Variants in EPHA6 observed in about 807,000 individuals in gnomAD.
EPHA6 encodes the protein EPH receptor A6, also known as ephrin type-A receptor 6.
A neutral mutation model predicts 112.0 loss-of-function variants in EPHA6; 50 were observed. That is an observed-to-expected ratio of 0.45 (90% CI 0.36 to 0.56). The LOEUF (loss-of-function observed/expected upper bound fraction) is 0.56, where lower values mean the gene tolerates loss of function less well. Among genes scored for constraint, EPHA6 ranks in the 20% least tolerant of loss-of-function variants. The pLI, the probability that EPHA6 is intolerant of heterozygous loss-of-function variation, is 0.00. For synonymous variants in EPHA6, 529 were observed against 490.7 expected, an observed-to-expected ratio of 1.08 and a Z score of -1.03; for missense variants, 1,280 against 1,417.4, an observed-to-expected ratio of 0.90 and a Z score of 1.56.
chr3:97,515,885 G>GT (rs2092440402), intron 10 of EPHA6, among the ~76,000 whole-genome samples: 1 of 151,048 alleles, frequency 6.6e-6, no homozygotes, highest in African/African-American at 2.4e-5. Context: ...AAAAAATGAT[G>GT]TTTTTTTCTT....
intron 11 of EPHA6, among the ~76,000 whole-genome samples, chr3:97,573,227 A>G (rs1469521107): frequency 6.6e-6 from 1 of 152,184 alleles, no homozygotes; most frequent in Non-Finnish European, 1.5e-5. Flanking sequence ...GGTGTTAATG[A>G]GTTTCTCAAT....
At chr3:96,971,769 GA>G (rs1406141279) in intron 2 of EPHA6, among the ~76,000 whole-genome samples, 3 of 152,080 alleles carry the variant, frequency 2.0e-5, no homozygotes, top group African/African-American at 4.8e-5. Flanking sequence ...GTAAGATGAA[GA>G]ATGTTTGGAA....
At chr3:97,479,434 T>C in intron 9 of EPHA6, 70 bp downstream of exon 9, 1 of 1,053,018 alleles carries the variant, frequency 9.5e-7, no homozygotes, top group East Asian at 2.6e-5. Context: ...ATTCAAACTG[T>C]ATCTATTGAG....
chr3:97,163,275 A>G (rs2076459096), intron 3 of EPHA6, among the ~76,000 whole-genome samples: 1 of 152,122 alleles, frequency 6.6e-6, no homozygotes, highest in Non-Finnish European at 1.5e-5. Context: ...GGCATTTCCA[A>G]CTCACTCATG....
chr3:97,192,733 CT>C (rs1280062535), intron 3 of EPHA6, among the ~76,000 whole-genome samples: 1 of 152,088 alleles, frequency 6.6e-6, no homozygotes, highest in African/African-American at 2.4e-5. Flanking sequence ...CCAGTGTTTT[CT>C]TTTAGTAGCT....
chr3:97,432,762 A>AGG (rs1373866616), intron 6 of EPHA6, among the ~76,000 whole-genome samples: 2 of 152,134 alleles, frequency 1.3e-5, no homozygotes, highest in African/African-American at 4.8e-5. Context: ...GGGAAGAGAG[A>AGG]GAAGAGCCAG....
intron 14 of EPHA6, among the ~76,000 whole-genome samples, chr3:97,697,597 G>T (rs1175500597): frequency 1.3e-5 from 2 of 152,230 alleles, no homozygotes; most frequent in Non-Finnish European, 2.9e-5. Flanking sequence ...TGCAATTTCA[G>T]TAGGGCAGCC....
chr3:97,614,394 G>T (rs1393657826), intron 13 of EPHA6, among the ~76,000 whole-genome samples: 4 of 149,058 alleles, frequency 2.7e-5, no homozygotes, highest in Admixed American at 6.7e-5. Context: ...GAGTGTAGTG[G>T]CACGATCTTG....
chr3:97,065,684 A>G lies in EPHA6; in HGVS notation c.1114+77691A>G, dbSNP rs984054965. On this transcript the variant is annotated intron_variant, in intron 3 of 17. Transcript: ENST00000389672. Reference sequence around the variant, plus strand: ...AATATTTTCCAAGATCAAACTTCCCAAAGTGTAGTATTGATAATTTTGTTG... The same window carrying G: ...AATATTTTCCAAGATCAAACTTCCCGAAGTGTAGTATTGATAATTTTGTTG... Among the ~76,000 whole-genome samples the G allele has an allele frequency of 3.9e-5, 6 of 152,250 alleles. No homozygotes were observed. In the East Asian group the frequency reaches 9.7e-4, roughly 24 times the overall value.
At chr3:97,675,425 AG>A (rs1274715338) in intron 14 of EPHA6, among the ~76,000 whole-genome samples, 1 of 152,184 alleles carries the variant, frequency 6.6e-6, no homozygotes, top group African/African-American at 2.4e-5. Flanking sequence ...GGTTGCAGTG[AG>A]CAGAGATCTT....
chr3:97,191,392 G>T (rs999322701), intron 3 of EPHA6, among the ~76,000 whole-genome samples: 1 of 151,352 alleles, frequency 6.6e-6, no homozygotes, highest in Admixed American at 6.6e-5. Context: ...ACCCTGTTGT[G>T]CTATCAAATA....
chr3:97,183,637 A>G (rs1201299377), intron 3 of EPHA6, among the ~76,000 whole-genome samples: 1 of 152,118 alleles, frequency 6.6e-6, no homozygotes, highest in Non-Finnish European at 1.5e-5. Context: ...ATTAAACATA[A>G]TGGCCTCACT....
intron 5 of EPHA6, among the ~76,000 whole-genome samples, chr3:97,382,591 A>G (rs1319189604): frequency 6.6e-6 from 1 of 152,078 alleles, no homozygotes; most frequent in Non-Finnish European, 1.5e-5. Flanking sequence ...GTGCTCTTTC[A>G]AATAACTAAA....
At position 97,419,027 on chromosome 3, in the gene EPHA6, A is replaced by G. The variant is rs185564089; in HGVS notation, c.1731+13753A>G. ...TCTTACTTAAGAATTTAACAGGGCCAGGCACTGTGGCTCACGCCTGTAATC... is the reference window on the plus strand; with the variant it reads ...TCTTACTTAAGAATTTAACAGGGCCGGGCACTGTGGCTCACGCCTGTAATC... On this transcript the variant is annotated intron_variant, in intron 6 of 17. Transcript: ENST00000389672. 3.7e-3 allele frequency among the ~76,000 whole-genome samples: 557 copies of G among 152,334 alleles called. 2 individuals are homozygous for G. The highest frequency in any genetic ancestry group is 0.013 in the African/African-American group (520 of 41,586).
In EPHA6 at chr3:97,157,983, A is replaced by G. The variant is rs568329679; in HGVS notation, c.1115-68281A>G. 2.1e-3 allele frequency among the ~76,000 whole-genome samples: 314 copies of G among 152,252 alleles called. 2 individuals are homozygous for G. The highest frequency in any genetic ancestry group is 1.9e-3 in the Non-Finnish European group (132 of 68,012). Reference sequence around the variant, plus strand: ...AATCATCACAAATCTACCCCTTGTCAACTTGGCATCCATATGCATCTCCCT... The same window carrying G: ...AATCATCACAAATCTACCCCTTGTCGACTTGGCATCCATATGCATCTCCCT... On this transcript the variant is annotated intron_variant, in intron 3 of 17. Transcript: ENST00000389672.
At position 97,532,485 on chromosome 3, in the gene EPHA6, T is replaced by C; in HGVS notation, c.2328T>C (p.Ser776=). 1.9e-6 allele frequency: 3 copies of C among 1,612,366 alleles called. No homozygotes were observed. The highest frequency in any genetic ancestry group is 2.5e-6 in the Non-Finnish European group (3 of 1,178,848). The change falls in exon 11 of 18, where the codon AGT becomes AGC. Residue 776 remains serine, a synonymous_variant. Coordinates refer to ENST00000389672, the MANE Select transcript of EPHA6 (RefSeq NM_001080448.3). ...GAAGAGATTTTCTAAGAGAAGCTAG[T>C]ATCATGGGCCAGTTTGACCATCCAA... is the stretch of plus-strand genomic sequence containing the variant. ...RQRRDFLREA[S]IMGQFDHPNI...
chr3:97,194,121 G>A (rs900260346), intron 3 of EPHA6, among the ~76,000 whole-genome samples: 16 of 151,658 alleles, frequency 1.1e-4, no homozygotes, highest in Admixed American at 9.2e-4. Flanking sequence ...AGTTTGGTTT[G>A]CTCTTGCTTT....
Position 97,145,118 on chromosome 3 carries a change from TA to T in EPHA6, c.1115-81138del, listed in dbSNP as rs576064487. On this transcript the variant is annotated intron_variant, in intron 3 of 17. Transcript: ENST00000389672. ...ATAGAACTGTATATTTAATATAGAG[TA>T]AAAAAAATCCCTTTAACTTCATATT... is the stretch of plus-strand genomic sequence containing the variant. Among the ~76,000 whole-genome samples, 8 of 151,242 alleles carry T rather than the reference TA, an allele frequency of 5.3e-5. No individual in the cohort carries two copies. In the East Asian group the frequency reaches 7.7e-4, roughly 15 times the overall value.
chr3:97,563,882 G>GT, intron 11 of EPHA6, among the ~76,000 whole-genome samples: 1 of 152,132 alleles, frequency 6.6e-6, no homozygotes, highest in Middle Eastern at 3.4e-3. Flanking sequence ...CTGTTTATTA[G>GT]TATCAAGTGT....
Sources: gnomAD v4.1 joint callset for allele counts (sites outside exome capture counted in the v4.1 genomes callset) on GRCh38, gnomAD v4.1.1 for gene constraint, MANE v1.5 for transcripts, NCBI Gene and HGNC (gene_info 2026-07-23, HGNC 2026-07-21) for gene names.